The following ALDH4A1 variants were observed in gnomAD, a reference collection of about 807,000 sequenced individuals.
ALDH4A1 encodes delta-1-pyrroline-5-carboxylate dehydrogenase, mitochondrial.
Under a neutral mutation model 70.5 loss-of-function variants are expected in ALDH4A1, and 46 were observed. The observed-to-expected ratio is 0.65, with a 90% CI of 0.51 to 0.83. The LOEUF (loss-of-function observed/expected upper bound fraction) is 0.83, where lower values mean the gene tolerates loss of function less well. Ranked by LOEUF, ALDH4A1 falls within the 40% of genes least tolerant of loss-of-function variation. The pLI is 0.00. For synonymous variants in ALDH4A1, 323 were observed against 324.3 expected (o/e 1.00, Z 0.04); for missense variants, 749 against 766.5 (o/e 0.98, Z 0.27).
intron 1 of ALDH4A1, among the ~76,000 whole-genome samples, chr1:18,893,243 G>A (rs961148876): frequency 1.3e-5 from 2 of 152,168 alleles, no homozygotes; most frequent in African/African-American, 4.8e-5. Context: ...GAAAGTCTGC[G>A]AGCCTCAGTT....
intron 5 of ALDH4A1, among the ~76,000 whole-genome samples, chr1:18,884,320 G>A (rs1364364275): frequency 1.3e-5 from 2 of 151,920 alleles, no homozygotes; most frequent in Non-Finnish European, 2.9e-5. Context: ...CAGCAGAGGG[G>A]GCGCTCACCA....
At chr1:18,900,974 G>C (rs1935779223) in intron 1 of ALDH4A1, 1 of 943,846 alleles carries the variant, frequency 1.1e-6, no homozygotes, top group Admixed American at 6.2e-5. Flanking sequence ...CTAGATATTG[G>C]AGGGTTTTCC....
At position 18,880,294 on chromosome 1, in the gene ALDH4A1, G is replaced by A. The variant is rs1024432595; in HGVS notation, c.867-921C>T. On this transcript the variant is annotated intron_variant, in intron 8 of 14. Transcript: ENST00000375341. This position sits in a 1 kb window ranked among gnomAD's most constrained non-coding sequence, Gnocchi z 5.1. ...AGGCATCTCCACCCAGATAACACCC[G>A]AAGTGACCAACAGGAGATTCATCTT... 3.9e-5 allele frequency among the ~76,000 whole-genome samples: 6 copies of A among 152,076 alleles called. No homozygotes were observed. The highest frequency in any genetic ancestry group is 2.0e-4 in the Admixed American group (3 of 15,276).
chr1:18,879,720 T>A (rs1165246887), intron 8 of ALDH4A1, among the ~76,000 whole-genome samples: 4 of 152,122 alleles, frequency 2.6e-5, no homozygotes, highest in Admixed American at 1.3e-4. Flanking sequence ...TGAGTTCAAG[T>A]GTGAGGCATG....
chr1:18,897,292 C>T (rs1935653771), intron 1 of ALDH4A1: 2 of 321,262 alleles, frequency 6.2e-6, no homozygotes, highest in South Asian at 4.7e-5. Flanking sequence ...CCTATAATCC[C>T]AGCGCTTTGG....
intron 1 of ALDH4A1, chr1:18,890,991 C>T (rs2100595800): frequency 1.4e-6 from 1 of 714,000 alleles, no homozygotes; most frequent in African/African-American, 1.9e-5. Flanking sequence ...GAGGGCTGGC[C>T]CTGGGGGTGA....
chr1:18,889,887 C>T, intron 2 of ALDH4A1, 125 bp downstream of exon 2: 1 of 891,440 alleles, frequency 1.1e-6, no homozygotes, highest in Non-Finnish European at 1.7e-6. Context: ...AGGCTTCCAC[C>T]CAAGGCTGGG....
intron 5 of ALDH4A1, among the ~76,000 whole-genome samples, chr1:18,884,120 T>C (rs1935098995): frequency 6.6e-6 from 1 of 152,174 alleles, no homozygotes; most frequent in South Asian, 2.1e-4. Flanking sequence ...AGCTAAGATG[T>C]GTACCTTGCT....
In ALDH4A1 at chr1:18,885,236, G is replaced by A. The variant is rs981218809; in HGVS notation, c.453+237C>T. 18 of 580,288 alleles carry A rather than the reference G, an allele frequency of 3.1e-5. No homozygotes were observed. The African/African-American group carries it at 3.2e-4, about 10-fold the overall frequency. The allele number at this position is 580,288 out of a possible 1,614,324, so 35.9% of individuals were successfully genotyped here. A position where few individuals can be genotyped will look rare whatever the true frequency, so the allele number is the denominator to read the frequency against. On this transcript the variant is annotated intron_variant, in intron 5 of 14. Transcript: ENST00000375341. ...AAAGGCCTAGGAGCGAGGACAGAGGGATGGAGGAGAGGGGACATTTCCGAG... is the reference window on the plus strand; with the variant it reads ...AAAGGCCTAGGAGCGAGGACAGAGGAATGGAGGAGAGGGGACATTTCCGAG...
At chr1:18,891,751 G>A (rs543914546) in intron 1 of ALDH4A1, among the ~76,000 whole-genome samples, 9 of 152,288 alleles carry the variant, frequency 5.9e-5, no homozygotes, top group Non-Finnish European at 7.4e-5. Flanking sequence ...GAGAAGGCCC[G>A]GCATGGTGGC....
intron 5 of ALDH4A1, 42 bp downstream of exon 5, chr1:18,885,431 A>AACCCCCC: frequency 8.4e-6 from 4 of 478,978 alleles, no homozygotes; most frequent in East Asian, 4.3e-5. Flanking sequence ...CCTGACTCCC[A>AACCCCCC]CCCCACCCCG....
Position 18,885,427 on chromosome 1 carries a change from T to TTCCCCCCCCCCC in ALDH4A1, c.453+45_453+46insGGGGGGGGGGGA. ...CTGCCATGGGTAGGGCACACCTGAC[T>TTCCCCCCCCCCC]CCCACCCCACCCCGCCCCACCCACC... On this transcript the variant is annotated intron_variant, in intron 5 of 14. Transcript: ENST00000375341. 2.5e-5 allele frequency: 16 copies of TTCCCCCCCCCCC among 650,916 alleles called. 1 individual carries two copies. Among genetic ancestry groups the TTCCCCCCCCCCC allele is most frequent in the Non-Finnish European group, 2.7e-5 (10 of 367,424 alleles). The allele number at this position is 650,916 out of a possible 1,614,324, so 40.3% of individuals were successfully genotyped here.
intron 14 of ALDH4A1, 95 bp from the exon 15 acceptor site, chr1:18,873,052 G>T: frequency 9.0e-7 from 1 of 1,113,504 alleles, no homozygotes; most frequent in Non-Finnish European, 1.3e-6. Flanking sequence ...GACCAGCAGT[G>T]TAGCGGCCAG....
intron 1 of ALDH4A1, among the ~76,000 whole-genome samples, chr1:18,890,502 G>A (rs755396380): frequency 2.0e-5 from 3 of 152,130 alleles, no homozygotes; most frequent in African/African-American, 4.8e-5. Context: ...AGCCGAGATC[G>A]TGCCACTGCA....
rs560518422 is a variant in ALDH4A1, at chr1:18,876,838, T to C, written c.1185+370A>G. ...ATGTACATGCGTGTGGGTGGACTTA[T>C]CGACATATGCGTGTGTGTGCTTATG... On this transcript the variant is annotated intron_variant, in intron 11 of 14. Coordinates refer to ENST00000375341, the MANE Select transcript of ALDH4A1 (RefSeq NM_003748.4). Among the ~76,000 whole-genome samples, 11 of 152,274 alleles carry C rather than the reference T, an allele frequency of 7.2e-5. No individual in the cohort carries two copies. In the East Asian group the frequency reaches 1.4e-3, roughly 19 times the overall value.
Position 18,876,369 on chromosome 1 carries a change from A to C in ALDH4A1, c.1284T>G (p.Phe428Leu). The C allele has an allele frequency of 6.2e-7, 1 of 1,613,880 alleles. No homozygotes were observed. The highest frequency in any genetic ancestry group is 8.5e-7 in the Non-Finnish European group (1 of 1,179,958). The change falls in exon 12 of 15, where the codon TTT becomes TTG. Residue 428 changes from phenylalanine to leucine, a missense_variant. Physicochemically the swap from Phe to Leu is conservative, Grantham distance 22. Transcript: ENST00000375341. The part of the protein sequence containing the change: ...GGKCDDSVGY[F>L]VEPCIVESKD... ...TGCTCTCCACGATGCAGGGCTCCAC[A>C]AAGTAGCCCACGGAGTCATCACACT...
intron 1 of ALDH4A1, among the ~76,000 whole-genome samples, chr1:18,894,053 G>A (rs960608320): frequency 1.3e-5 from 2 of 152,206 alleles, no homozygotes. Context: ...GATTACAAGT[G>A]TTGGCCTTTC....
rs767718897 is a variant in ALDH4A1 at position 18,890,092 on chromosome 1, G to T, written c.76C>A (p.His26Asn). 6.2e-7 allele frequency: 1 copy of T among 1,612,086 alleles called. No homozygotes were observed. Among genetic ancestry groups the T allele is most frequent in the Non-Finnish European group, 8.5e-7 (1 of 1,179,442 alleles). ...TTGGCCACCTTCAGGGAGGAGGTGT[G>T]CTTCCACCGCAGGCTGGAACACAAG... ...PWTGAGLRWK[H>N]TSSLKVANEP... Residue 26 changes from histidine (H) to asparagine (N), a missense_variant, in exon 2 of 15, where the codon CAC (histidine) becomes AAC (asparagine). Transcript: ENST00000375341.
At chr1:18,885,401 G>T in intron 5 of ALDH4A1, 72 bp downstream of exon 5, 2 of 1,437,366 alleles carry the variant, frequency 1.4e-6, no homozygotes, top group Non-Finnish European at 1.9e-6. Flanking sequence ...GCTGATGTCT[G>T]CTGCCATGGG....
Sources: allele counts gnomAD v4.1 joint callset (sites outside exome capture counted in the v4.1 genomes callset), GRCh38; gene constraint gnomAD v4.1.1; non-coding constraint Gnocchi (gnomAD v3.1); transcripts MANE v1.5; gene names NCBI Gene and HGNC (gene_info 2026-07-23, HGNC 2026-07-21).